SPAG16: variants seen among roughly 807,000 people sequenced by gnomAD.
The protein encoded by SPAG16 is sperm-associated antigen 16 protein.
Under a neutral mutation model 80.4 loss-of-function variants are expected in SPAG16, and 86 were observed. The observed-to-expected ratio is 1.07, with a 90% CI of 0.90 to 1.28. The LOEUF is 1.28. SPAG16 is among the 50% of genes most tolerant of loss of function. The pLI is 0.00. For synonymous variants in SPAG16, 294 were observed against 265.9 expected, an observed-to-expected ratio of 1.11 and a Z score of -1.03; for missense variants, 870 against 765.3, an observed-to-expected ratio of 1.14 and a Z score of -1.61.
In SPAG16 at chr2:213,980,261, ATATATATT is replaced by A. The variant is rs2045636226; in HGVS notation, c.1401-33689_1401-33682del. On this transcript the variant is annotated intron_variant, in intron 12 of 15. Transcript: ENST00000331683. The stretch of plus-strand genomic sequence containing the variant: ...CTATATATATAGAATATATGTGTGT[ATATATATT>A]CTCTATATATATAGAATATATGTGT... 1.8e-4 allele frequency among the ~76,000 whole-genome samples: 11 copies of A among 60,922 alleles called. 2 individuals carry two copies. The highest frequency in any genetic ancestry group is 5.5e-4 in the African/African-American group (5 of 9,040). The allele number at this position is 60,922 out of a possible 152,430, so 40.0% of individuals were successfully genotyped here.
At chr2:213,781,112 C>T (rs1320021816) in intron 10 of SPAG16, among the ~76,000 whole-genome samples, 3 of 152,258 alleles carry the variant, frequency 2.0e-5, no homozygotes, top group East Asian at 1.9e-4. Context: ...CAGCAAAACT[C>T]CTTTAAGGTC....
At chr2:214,408,135 T>C (rs1702102102) in intron 15 of SPAG16, among the ~76,000 whole-genome samples, 1 of 152,216 alleles carries the variant, frequency 6.6e-6, no homozygotes, top group Non-Finnish European at 1.5e-5. Context: ...TTTCAGAAAT[T>C]ACCAGAGCCT....
At chr2:213,659,199 G>A (rs528191876) in intron 10 of SPAG16, among the ~76,000 whole-genome samples, 1 of 152,164 alleles carries the variant, frequency 6.6e-6, no homozygotes, top group Admixed American at 6.5e-5. Flanking sequence ...TGTGTTATAT[G>A]TGAAAGCAGT....
At chr2:214,309,668 A>AC (rs1422698692) in intron 15 of SPAG16, among the ~76,000 whole-genome samples, 1 of 151,906 alleles carries the variant, frequency 6.6e-6, no homozygotes, top group Non-Finnish European at 1.5e-5. Flanking sequence ...GGGGGCCAAC[A>AC]CTCAGCTCTC....
At chr2:213,753,035 C>T (rs1006631648) in intron 10 of SPAG16, among the ~76,000 whole-genome samples, 3 of 152,168 alleles carry the variant, frequency 2.0e-5, no homozygotes, top group Non-Finnish European at 4.4e-5. Context: ...TTTTTTGAGA[C>T]GGAGTCTCGC....
intron 15 of SPAG16, among the ~76,000 whole-genome samples, chr2:214,212,402 C>A (rs998395211): frequency 6.6e-6 from 1 of 152,144 alleles, no homozygotes; most frequent in African/African-American, 2.4e-5. Flanking sequence ...ACCTCCCCGA[C>A]CACCCACTCC....
chr2:214,381,810 G>A (rs1489141736), intron 15 of SPAG16, among the ~76,000 whole-genome samples: 1 of 152,274 alleles, frequency 6.6e-6, no homozygotes, highest in East Asian at 1.9e-4. Flanking sequence ...CACTCTATTA[G>A]ATGTCTCTGC....
At chr2:213,346,372 T>A (rs1443116205) in intron 6 of SPAG16, among the ~76,000 whole-genome samples, 1 of 152,198 alleles carries the variant, frequency 6.6e-6, no homozygotes, top group Non-Finnish European at 1.5e-5. Context: ...ATACGCTTTA[T>A]TTCCTTCTCC....
At chr2:214,383,512 G>A (rs1057418219) in intron 15 of SPAG16, among the ~76,000 whole-genome samples, 6 of 151,232 alleles carry the variant, frequency 4.0e-5, no homozygotes, top group African/African-American at 9.7e-5. Flanking sequence ...CAGAGGTTGC[G>A]GTGAGCCAAG....
chr2:213,617,956 A>G (rs2061653204), intron 10 of SPAG16, among the ~76,000 whole-genome samples: 1 of 152,152 alleles, frequency 6.6e-6, no homozygotes, highest in African/African-American at 2.4e-5. Context: ...TCCTTTGTAC[A>G]CAGCTACTTT....
intron 10 of SPAG16, among the ~76,000 whole-genome samples, chr2:213,536,015 C>G (rs538966009): frequency 6.6e-6 from 1 of 152,096 alleles, no homozygotes; most frequent in African/African-American, 2.4e-5. Flanking sequence ...CATATTTTAT[C>G]TATTCTTTCA....
At chr2:213,692,813 A>T (rs918544998) in intron 10 of SPAG16, among the ~76,000 whole-genome samples, 3 of 150,546 alleles carry the variant, frequency 2.0e-5, no homozygotes, top group Admixed American at 6.7e-5. Context: ...CGGTCTCGAA[A>T]AAAAAAAAAA....
chr2:213,371,756 T>G (rs1278258545), intron 8 of SPAG16, among the ~76,000 whole-genome samples: 1 of 152,188 alleles, frequency 6.6e-6, no homozygotes, highest in Non-Finnish European at 1.5e-5. Flanking sequence ...ATTGGAATGA[T>G]TTGGAGCAAA....
chr2:213,714,443 CAG>C (rs1420087224), intron 10 of SPAG16, among the ~76,000 whole-genome samples: 1 of 151,866 alleles, frequency 6.6e-6, no homozygotes, highest in African/African-American at 2.4e-5. Context: ...AGAGGGGAGA[CAG>C]AAATAACAGC....
chr2:214,139,002 A>C (rs942561485), intron 14 of SPAG16, among the ~76,000 whole-genome samples: 1 of 152,160 alleles, frequency 6.6e-6, no homozygotes, highest in African/African-American at 2.4e-5. Flanking sequence ...ATCTACTCCA[A>C]ATAAAACACT....
At chr2:213,420,732 A>G (rs2069534059) in intron 9 of SPAG16, among the ~76,000 whole-genome samples, 1 of 152,256 alleles carries the variant, frequency 6.6e-6, no homozygotes, top group East Asian at 1.9e-4. Flanking sequence ...CATATTTGCT[A>G]TAGAATGGCT....
chr2:213,404,317 C>G lies in SPAG16; in HGVS notation c.942+29198C>G, dbSNP rs369980420. Among the ~76,000 whole-genome samples the G allele has an allele frequency of 4.7e-4, 72 of 152,118 alleles. 1 individual carries two copies. The highest frequency in any genetic ancestry group is 2.7e-3 in the South Asian group (13 of 4,818). ...ACCTGACTTCAAACTATACTACAAG[C>G]CTACAGTAACCAAAACAGCATGGTA... On this transcript the variant is annotated intron_variant, in intron 9 of 15. Coordinates refer to ENST00000331683, the MANE Select transcript of SPAG16 (RefSeq NM_024532.5).
intron 15 of SPAG16, among the ~76,000 whole-genome samples, chr2:214,364,370 A>T (rs1466815069): frequency 6.6e-6 from 1 of 152,026 alleles, no homozygotes; most frequent in Non-Finnish European, 1.5e-5. Flanking sequence ...ATGTTCCCTG[A>T]CTCCAAAAAG....
intron 9 of SPAG16, among the ~76,000 whole-genome samples, chr2:213,428,478 C>T (rs896466543): frequency 2.0e-5 from 3 of 152,128 alleles, no homozygotes; most frequent in Non-Finnish European, 4.4e-5. Context: ...TGTGATCTAG[C>T]AGCAGTGGCA....
Sources: allele counts gnomAD v4.1 joint callset (sites outside exome capture counted in the v4.1 genomes callset), GRCh38; gene constraint gnomAD v4.1.1; transcripts MANE v1.5; gene names NCBI Gene and HGNC (gene_info 2026-07-23, HGNC 2026-07-21).